DOCK4: variants seen among roughly 807,000 people sequenced by gnomAD.
DOCK4 encodes dedicator of cytokinesis 4, also known as dedicator of cytokinesis protein 4.
Under a neutral mutation model 268.1 loss-of-function variants are expected in DOCK4, and 97 were observed. That is an observed-to-expected ratio of 0.36 (90% CI 0.31 to 0.43). The LOEUF is 0.43. Ranked by LOEUF, DOCK4 falls within the 20% of genes least tolerant of loss-of-function variation. The probability of loss-of-function intolerance (pLI) is 1.00; values close to 1 mark genes in which losing one functional copy is unlikely to be tolerated. For missense variants in DOCK4, 2,145 were observed against 2,455.7 expected, an observed-to-expected ratio of 0.87 and a Z score of 2.67; for synonymous variants, 954 against 887.2, an observed-to-expected ratio of 1.08 and a Z score of -1.34.
chr7:112,121,982 T>C (rs1209662969), intron 1 of DOCK4, among the ~76,000 whole-genome samples: 2 of 152,216 alleles, frequency 1.3e-5, no homozygotes, highest in African/African-American at 4.8e-5. Flanking sequence ...GATTTACATT[T>C]ACTCCTGACT....
At chr7:112,159,684 T>G (rs192705457) in intron 1 of DOCK4, among the ~76,000 whole-genome samples, 8 of 152,068 alleles carry the variant, frequency 5.3e-5, no homozygotes, top group African/African-American at 1.9e-4. Context: ...GCTTTCCCTA[T>G]CCCAATAACA....
At chr7:112,068,665 C>A (rs1807300029) in intron 1 of DOCK4, among the ~76,000 whole-genome samples, 1 of 152,212 alleles carries the variant, frequency 6.6e-6, no homozygotes, top group Admixed American at 6.5e-5. Flanking sequence ...AATATCTTCT[C>A]TGATATTCCC....
At chr7:111,951,995 C>G (rs1397957691) in intron 8 of DOCK4, among the ~76,000 whole-genome samples, 1 of 151,838 alleles carries the variant, frequency 6.6e-6, no homozygotes, top group Non-Finnish European at 1.5e-5. Flanking sequence ...CAGTGTCACA[C>G]TCCTGTTGTC....
intron 36 of DOCK4, among the ~76,000 whole-genome samples, chr7:111,772,976 T>G (rs1323351059): frequency 1.3e-5 from 2 of 152,128 alleles, no homozygotes; most frequent in Non-Finnish European, 2.9e-5. Context: ...CAGATGAAAC[T>G]GACAAATGAC....
At chr7:111,900,877 G>A (rs1476522180) in intron 14 of DOCK4, among the ~76,000 whole-genome samples, 1 of 152,092 alleles carries the variant, frequency 6.6e-6, no homozygotes, top group Admixed American at 6.5e-5. Flanking sequence ...GACTCACTAC[G>A]CCCCAGGGCC....
At chr7:112,052,621 T>C (rs983216002) in intron 1 of DOCK4, among the ~76,000 whole-genome samples, 4 of 152,162 alleles carry the variant, frequency 2.6e-5, no homozygotes, top group African/African-American at 9.7e-5. Flanking sequence ...TACATTATGT[T>C]GTAATGCCCC....
chr7:112,044,294 C>T (rs1036021178), intron 1 of DOCK4, among the ~76,000 whole-genome samples: 7 of 152,232 alleles, frequency 4.6e-5, no homozygotes, highest in East Asian at 1.9e-4. Flanking sequence ...TAAAACACTG[C>T]GTGCTGGACT....
intron 1 of DOCK4, among the ~76,000 whole-genome samples, chr7:112,067,031 C>T (rs11977468): frequency 3.3e-5 from 5 of 150,624 alleles, no homozygotes; most frequent in African/African-American, 1.2e-4. Flanking sequence ...AACCCAAAAC[C>T]CACTGGGCAT....
intron 23 of DOCK4, among the ~76,000 whole-genome samples, chr7:111,860,382 G>A (rs1018895145): frequency 2.0e-5 from 3 of 152,154 alleles, no homozygotes; most frequent in Non-Finnish European, 4.4e-5. Flanking sequence ...GATGTGTTCT[G>A]CCCAGCCCAT....
chr7:111,735,075 G>A lies in DOCK4; in HGVS notation c.5398C>T (p.Pro1800Ser), dbSNP rs1795375514. ...CCACCAGTCTGTGTGGGTCTTGGAG[G>A]GACAGGGGGAGAGATAAGTTTCCCA... is the stretch of plus-strand genomic sequence containing the variant. ...DSGKLISPPV[P>S]PRPTQTASPA... is the part of the protein sequence containing the mutation. Residue 1800 changes from proline to serine, a missense_variant, in exon 51 of 53, where the codon CCT becomes TCT. Pro to Ser is a moderately conservative substitution (Grantham distance 74). This residue lies in a region of DOCK4 where 547 missense variants were observed against 469.0 expected (regional missense o/e 1.17). Coordinates refer to ENST00000428084, the MANE Select transcript of DOCK4 (RefSeq NM_001363540.2). 6.3e-7 allele frequency: 1 copy of A among 1,595,964 alleles called. No homozygotes were observed. Among genetic ancestry groups the A allele is most frequent in the Non-Finnish European group, 8.5e-7 (1 of 1,170,792 alleles).
intron 10 of DOCK4, among the ~76,000 whole-genome samples, chr7:111,941,576 G>T (rs988612761): frequency 6.6e-6 from 1 of 151,674 alleles, no homozygotes; most frequent in Non-Finnish European, 1.5e-5. Flanking sequence ...AATACAAGAT[G>T]ACAAAAGGAT....
At chr7:112,028,687 C>T (rs1367061105) in intron 1 of DOCK4, among the ~76,000 whole-genome samples, 1 of 152,226 alleles carries the variant, frequency 6.6e-6, no homozygotes, top group East Asian at 1.9e-4. Flanking sequence ...TGATCATCAT[C>T]TACACAGCAA....
intron 1 of DOCK4, among the ~76,000 whole-genome samples, chr7:112,012,031 C>A (rs73717935): frequency 1.3e-5 from 2 of 151,676 alleles, no homozygotes; most frequent in Admixed American, 1.3e-4. Context: ...GATGACACCC[C>A]CTGCCTGGCC....
chr7:111,944,195 A>T (rs1795429864), intron 10 of DOCK4, among the ~76,000 whole-genome samples: 1 of 152,236 alleles, frequency 6.6e-6, no homozygotes, highest in South Asian at 2.1e-4. Flanking sequence ...AGATGTTAAT[A>T]AGTGCTACAT....
At chr7:111,877,004 C>T (rs780338215) in intron 17 of DOCK4, 26 bp downstream of exon 17, 5 of 1,438,130 alleles carry the variant, frequency 3.5e-6, no homozygotes, top group Non-Finnish European at 4.6e-6. Context: ...GGTACTAGGG[C>T]TTTCAAATAA....
chr7:111,995,589 G>A (rs1217480301), intron 4 of DOCK4, among the ~76,000 whole-genome samples: 1 of 152,086 alleles, frequency 6.6e-6, no homozygotes, highest in Non-Finnish European at 1.5e-5. Context: ...TACATAGAAA[G>A]TAATGACATA....
chr7:112,038,081 A>G (rs1444279052), intron 1 of DOCK4, among the ~76,000 whole-genome samples: 2 of 152,202 alleles, frequency 1.3e-5, no homozygotes, highest in East Asian at 3.9e-4. Flanking sequence ...ATTGTTATAA[A>G]ATTATTCATG....
chr7:111,758,938 G>T (rs932179157), intron 40 of DOCK4, 148 bp from the exon 41 acceptor site: 11 of 709,050 alleles, frequency 1.6e-5, no homozygotes, highest in Non-Finnish European at 2.3e-5. Flanking sequence ...CCAAGAAGAC[G>T]CCAGGAACTC....
chr7:111,776,428 T>C (rs908408728), intron 36 of DOCK4, among the ~76,000 whole-genome samples: 3 of 152,188 alleles, frequency 2.0e-5, no homozygotes, highest in Admixed American at 6.5e-5. Context: ...AAAGGCTCAA[T>C]AGCTGAATGA....
Sources: allele counts gnomAD v4.1 joint callset (sites outside exome capture counted in the v4.1 genomes callset), GRCh38; gene constraint gnomAD v4.1.1; regional missense constraint gnomAD v4.1.1; transcripts MANE v1.5; gene names NCBI Gene and HGNC (gene_info 2026-07-23, HGNC 2026-07-21).